Variants in ACACB observed in about 807,000 individuals in gnomAD.
ACACB encodes acetyl-CoA carboxylase beta.
ACACB carries 209 observed loss-of-function variants against 278.8 expected under a neutral mutation model. That is an observed-to-expected ratio of 0.75 (90% CI 0.67 to 0.84). The LOEUF (loss-of-function observed/expected upper bound fraction) is 0.84, where lower values mean the gene tolerates loss of function less well. Among genes scored for constraint, ACACB ranks in the 40% least tolerant of loss-of-function variants. The pLI, the probability that ACACB is intolerant of heterozygous loss-of-function variation, is 0.00. For missense variants in ACACB, 2,850 were observed against 3,269.0 expected, an observed-to-expected ratio of 0.87 and a Z score of 3.13; for synonymous variants, 1,174 against 1,285.6, an observed-to-expected ratio of 0.91 and a Z score of 1.86.
intron 13 of ACACB, 27 bp downstream of exon 13, chr12:109,188,189 C>A: frequency 3.1e-6 from 3 of 972,918 alleles, no homozygotes; most frequent in Non-Finnish European, 4.6e-6. Flanking sequence ...TTCCTTCCTT[C>A]CTTCCTTCCT....
intron 39 of ACACB, 47 bp downstream of exon 39, chr12:109,246,495 C>G (rs755449716): frequency 6.3e-7 from 1 of 1,586,244 alleles, no homozygotes; most frequent in Non-Finnish European, 8.6e-7. Context: ...TCAGCTACTA[C>G]TGTATTTTCA....
At chr12:109,257,132 G>A (rs1169121104) in intron 45 of ACACB, among the ~76,000 whole-genome samples, 1 of 152,042 alleles carries the variant, frequency 6.6e-6, no homozygotes, top group African/African-American at 2.4e-5. Flanking sequence ...AAATTAGCTG[G>A]GCGTGGTGGC....
intron 9 of ACACB, among the ~76,000 whole-genome samples, chr12:109,176,545 A>T (rs1432693176): frequency 6.6e-6 from 1 of 152,174 alleles, no homozygotes; most frequent in Admixed American, 6.5e-5. Context: ...GTTTGTGACT[A>T]TATTGGCCTA....
chr12:109,234,269 G>A (rs969644084), intron 31 of ACACB, among the ~76,000 whole-genome samples: 2 of 152,142 alleles, frequency 1.3e-5, no homozygotes, highest in African/African-American at 4.8e-5. Context: ...ATGATTCAAT[G>A]ACAAAGTATA....
intron 41 of ACACB, among the ~76,000 whole-genome samples, chr12:109,250,702 G>A (rs2047071508): frequency 1.3e-5 from 2 of 152,148 alleles, no homozygotes; most frequent in Admixed American, 1.3e-4. Flanking sequence ...TAGTAGTGGT[G>A]GTGGTAGTAG....
Position 109,171,835 on chromosome 12 carries a change from C to G in ACACB, c.956C>G (p.Pro319Arg). ...EYIKMADHYVPVPGGPNNNNY... is the reference protein window; with the variant it reads ...EYIKMADHYVRVPGGPNNNNY... The stretch of plus-strand genomic sequence containing the variant: ...ATCAAGATGGCGGATCATTACGTCC[C>G]CGTCCCAGGAGGGCCCAATAACAAC... The change falls in exon 5 of 53, where the codon CCC (proline) becomes CGC (arginine). Residue 319 changes from proline to arginine, a missense_variant. By Grantham distance (103) the Pro-to-Arg change is moderately radical. Transcript: ENST00000338432. 2 of 1,614,120 alleles carry G rather than the reference C, an allele frequency of 1.2e-6. No homozygotes were observed. Among genetic ancestry groups the G allele is most frequent in the Non-Finnish European group, 1.7e-6 (2 of 1,179,968 alleles).
In ACACB at chr12:109,210,201, ATATATG is replaced by A. The variant is rs1396642152; in HGVS notation, c.3249+854_3249+859del. ...TATATATACACACGTGTGTATATGT[ATATATG>A]TATATATACACACATGTGTGTATAT... On this transcript the variant is annotated intron_variant, in intron 21 of 52. Transcript: ENST00000338432. Among the ~76,000 whole-genome samples, 30 of 13,584 alleles carry A rather than the reference ATATATG, an allele frequency of 2.2e-3. 7 individuals carry two copies. Among genetic ancestry groups the A allele is most frequent in the Non-Finnish European group, 4.1e-3 (27 of 6,624 alleles). 8.9% of individuals were successfully genotyped at this position (13,584 alleles called of 152,430 possible).
In ACACB at chr12:109,176,488, A is replaced by G. The variant is rs73199104; in HGVS notation, c.1437+225A>G. Among the ~76,000 whole-genome samples the G allele has an allele frequency of 0.071, 10,755 of 152,268 alleles. 895 individuals are homozygous for G. Among genetic ancestry groups the G allele is most frequent in the African/African-American group, 0.2 (8,367 of 41,514 alleles). On this transcript the variant is annotated intron_variant, in intron 9 of 52. Coordinates refer to ENST00000338432, the MANE Select transcript of ACACB (RefSeq NM_001093.4). ...TCTTTTAGGTAGTTCAAGTCTATAA[A>G]TCAGTGTATCTAGAAATGATTTCAG...
At chr12:109,211,342 C>CT (rs35008047) in intron 21 of ACACB, among the ~76,000 whole-genome samples, 1,414 of 109,896 alleles carry the variant, frequency 0.013, 30 homozygotes, top group African/African-American at 0.016. Context: ...TGTGATTCCT[C>CT]TTTTTTTTTT....
At chr12:109,167,874 C>T (rs1426552579) in intron 3 of ACACB, 22 bp from the exon 4 acceptor site, 1 of 1,613,760 alleles carries the variant, frequency 6.2e-7, no homozygotes, top group Non-Finnish European at 8.5e-7. Context: ...ATCTACAGCT[C>T]CTTCCTTGTC....
intron 45 of ACACB, among the ~76,000 whole-genome samples, chr12:109,256,535 A>C (rs2047228873): frequency 6.6e-6 from 1 of 152,190 alleles, no homozygotes; most frequent in Admixed American, 6.5e-5. Context: ...CTTCACAGAC[A>C]CTGGCACTCT....
At chr12:109,230,267 C>T (rs1173541114) in intron 28 of ACACB, among the ~76,000 whole-genome samples, 4 of 152,182 alleles carry the variant, frequency 2.6e-5, no homozygotes, top group African/African-American at 9.7e-5. Flanking sequence ...TTTGTTTTTA[C>T]CCTTCTTATT....
intron 3 of ACACB, 102 bp from the exon 4 acceptor site, chr12:109,167,794 G>A: frequency 1.3e-6 from 2 of 1,551,028 alleles, no homozygotes; most frequent in Non-Finnish European, 1.8e-6. Context: ...TGCTGCGGGG[G>A]CTGCAGGAGG....
intron 4 of ACACB, 25 bp downstream of exon 4, chr12:109,168,059 C>A: frequency 6.3e-7 from 1 of 1,587,890 alleles, no homozygotes; most frequent in Non-Finnish European, 8.6e-7. Flanking sequence ...ACCCTCTCCT[C>A]CCATCACGCT....
intron 1 of ACACB, among the ~76,000 whole-genome samples, chr12:109,130,813 C>A (rs918382896): frequency 6.6e-6 from 1 of 152,216 alleles, no homozygotes; most frequent in African/African-American, 2.4e-5. Context: ...CTCTTTGTCC[C>A]GATACTGTTG....
intron 28 of ACACB, among the ~76,000 whole-genome samples, chr12:109,228,147 C>T (rs1436993921): frequency 6.6e-6 from 1 of 151,580 alleles, no homozygotes. Context: ...ACCAGCCTGG[C>T]CAACATGGTG....
chr12:109,131,725 G>A (rs939849459), intron 1 of ACACB, among the ~76,000 whole-genome samples: 1 of 152,158 alleles, frequency 6.6e-6, no homozygotes, highest in Non-Finnish European at 1.5e-5. Context: ...GGTTAGGTTT[G>A]CAAGACATAA....
At position 109,201,593 on chromosome 12, in the gene ACACB, C is replaced by A. The variant is rs754415842; in HGVS notation, c.2805C>A (p.Asn935Lys). Reference sequence around the variant, plus strand: ...TGATGAAGATGATCATGACCCTGAACGTTCAGGAAAGAGGCCGGGTGAAGT... The same window carrying A: ...TGATGAAGATGATCATGACCCTGAAAGTTCAGGAAAGAGGCCGGGTGAAGT... ...MEVMKMIMTL[N>K]VQERGRVKYI... The change falls in exon 19 of 53, where the codon AAC (asparagine) becomes AAA (lysine). Residue 935 changes from asparagine to lysine, a missense_variant. Asn to Lys is a moderately conservative substitution (Grantham distance 94, BLOSUM62 0). Coordinates refer to ENST00000338432, the MANE Select transcript of ACACB (RefSeq NM_001093.4). 2 of 1,614,034 alleles carry A rather than the reference C, an allele frequency of 1.2e-6. No homozygotes were observed. Among genetic ancestry groups the A allele is most frequent in the Non-Finnish European group, 1.7e-6 (2 of 1,180,042 alleles).
In ACACB at chr12:109,201,667, G is replaced by A. The variant is rs143533866; in HGVS notation, c.2879G>A (p.Arg960Lys). The change falls in exon 19 of 53, where the codon AGG (arginine) becomes AAG (lysine). Residue 960 changes from arginine to lysine, a missense_variant. Arg to Lys is a conservative substitution (Grantham distance 26, BLOSUM62 2). Transcript: ENST00000338432. ...CTGGAAGCAGGCTGCGTGGTGGCCA[G>A]GCTGGAGCTCGATGACCCTTCTAAA... ...AVLEAGCVVA[R>K]LELDDPSKVH... 1.9e-5 allele frequency: 30 copies of A among 1,614,078 alleles called. No individual in the cohort carries two copies. In the African/African-American group the frequency reaches 3.3e-4, roughly 18 times the overall value.
Sources: allele counts gnomAD v4.1 joint callset (sites outside exome capture counted in the v4.1 genomes callset), GRCh38; gene constraint gnomAD v4.1.1; transcripts MANE v1.5; gene names NCBI Gene and HGNC (gene_info 2026-07-23, HGNC 2026-07-21).